SEPTIN11: variants seen among roughly 807,000 people sequenced by gnomAD.
SEPTIN11 encodes the protein septin-11.
Under a neutral mutation model 51.4 loss-of-function variants are expected in SEPTIN11, and 25 were observed. The observed-to-expected ratio is 0.49, with a 90% CI of 0.35 to 0.68. The LOEUF is 0.68. SEPTIN11 is among the 30% of genes least tolerant of loss of function. The probability of loss-of-function intolerance (pLI) is 0.00; values close to 1 mark genes in which losing one functional copy is unlikely to be tolerated. For missense variants in SEPTIN11, 381 were observed against 520.8 expected (o/e 0.73, Z 2.61); for synonymous variants, 174 against 184.1 (o/e 0.95, Z 0.44).
intron 7 of SEPTIN11, 111 bp from the exon 8 acceptor site, chr4:77,028,518 A>G: frequency 2.5e-6 from 3 of 1,214,942 alleles, no homozygotes; most frequent in Non-Finnish European, 3.5e-6. Flanking sequence ...TTGATCTGGC[A>G]AGCAGCAGCT....
chr4:77,035,711 C>T lies in SEPTIN11; in HGVS notation c.*1199C>T. 1 of 985,904 alleles carries T rather than the reference C, an allele frequency of 1.0e-6. No individual in the cohort carries two copies. The highest frequency in any genetic ancestry group is 1.2e-6 in the Non-Finnish European group (1 of 829,956). 61.1% of individuals were successfully genotyped at this position (985,904 alleles called of 1,614,324 possible). On this transcript the variant is annotated 3_prime_UTR_variant, in exon 10 of 10. Coordinates refer to ENST00000264893, the MANE Select transcript of SEPTIN11 (RefSeq NM_018243.4). ...GAATTTTCCTCACCTTGGCTAGCTCCACCTGCTCTTTGTCTAAGGCCCTTG... is the reference window on the plus strand; with the variant it reads ...GAATTTTCCTCACCTTGGCTAGCTCTACCTGCTCTTTGTCTAAGGCCCTTG...
intron 1 of SEPTIN11, chr4:76,987,845 A>G: frequency 1.0e-6 from 1 of 981,110 alleles, no homozygotes. Flanking sequence ...AGGACCTCAG[A>G]AAAAGACATG....
chr4:77,005,819 G>T (rs779209245), intron 3 of SEPTIN11, 23 bp downstream of exon 3: 2 of 1,601,904 alleles, frequency 1.2e-6, no homozygotes, highest in South Asian at 2.2e-5. Flanking sequence ...ATTTTGGGGG[G>T]ACATGAATGG....
At chr4:77,027,609 T>G (rs1003138635) in intron 7 of SEPTIN11, among the ~76,000 whole-genome samples, 1 of 152,222 alleles carries the variant, frequency 6.6e-6, no homozygotes, top group African/African-American at 2.4e-5. Flanking sequence ...CTATCCAGTT[T>G]GTAGTCTACA....
chr4:76,970,692 A>T (rs1412083567), intron 1 of SEPTIN11, among the ~76,000 whole-genome samples: 1 of 152,212 alleles, frequency 6.6e-6, no homozygotes, highest in African/African-American at 2.4e-5. Context: ...TACTAGTTGG[A>T]TTGGACAGAG....
At chr4:76,996,573 G>C in intron 2 of SEPTIN11, 34 bp downstream of exon 2, 1 of 1,414,166 alleles carries the variant, frequency 7.1e-7, no homozygotes, top group Non-Finnish European at 1.0e-6. Flanking sequence ...CAAGAAATTT[G>C]ATCCTTAGAT....
chr4:77,020,493 C>T lies in SEPTIN11; in HGVS notation c.785-9C>T. 3 of 1,613,290 alleles carry T rather than the reference C, an allele frequency of 1.9e-6. No individual in the cohort carries two copies. The highest frequency in any genetic ancestry group is 1.3e-5 in the African/African-American group (1 of 74,994). On this transcript the variant is annotated splice_polypyrimidine_tract_variant and intron_variant, in intron 6 of 9. Coordinates refer to ENST00000264893, the MANE Select transcript of SEPTIN11 (RefSeq NM_018243.4). ...ATCCCACTTCCGCCATTTCCCCCCT[C>T]TCTTGTAGTTGAGAATGAAAATCAT... is the stretch of plus-strand genomic sequence containing the variant.
rs1166351580 is a variant in SEPTIN11 at position 76,949,766 on chromosome 4, G to A, written c.-138G>A. The A allele has an allele frequency of 6.8e-6, 6 of 886,336 alleles. No individual in the cohort carries two copies. In the East Asian group the frequency reaches 9.6e-5, roughly 14 times the overall value. 54.9% of individuals were successfully genotyped at this position (886,336 alleles called of 1,614,324 possible). ...CGGCGTGGGGGGAGCAGATGCCGCT[G>A]GCTGCCAGCGGGACGCCGGCGAGCA... On this transcript the variant is annotated 5_prime_UTR_variant, in exon 1 of 10. Transcript: ENST00000264893.
At chr4:76,983,307 A>T (rs1560708409) in intron 1 of SEPTIN11, among the ~76,000 whole-genome samples, 1 of 152,176 alleles carries the variant, frequency 6.6e-6, no homozygotes, top group Non-Finnish European at 1.5e-5. Flanking sequence ...GACAGAGGTG[A>T]CCTCGTGGCT....
At chr4:77,016,436 A>G (rs1725231259) in intron 5 of SEPTIN11, among the ~76,000 whole-genome samples, 2 of 148,878 alleles carry the variant, frequency 1.3e-5, no homozygotes, top group Admixed American at 1.4e-4. Flanking sequence ...GACCAAAGAT[A>G]TTTGGAAAAA....
Position 77,024,153 on chromosome 4 carries a change from AGCGC to A in SEPTIN11, c.953+3488_953+3491del. Reference sequence around the variant, plus strand: ...CACAGTGTGAGGCAAAAGGAGGAGTAGCGCGCGCACAGAAACGCCGTATTCAAGC... The same window carrying A: ...CACAGTGTGAGGCAAAAGGAGGAGTAGCGCACAGAAACGCCGTATTCAAGC... On this transcript the variant is annotated intron_variant, in intron 7 of 9. Coordinates refer to ENST00000264893, the MANE Select transcript of SEPTIN11 (RefSeq NM_018243.4). This position sits in a 1 kb window ranked among gnomAD's most constrained non-coding sequence, Gnocchi z 4.2. 6.6e-6 allele frequency among the ~76,000 whole-genome samples: 1 copy of A among 152,130 alleles called. No homozygotes were observed. The highest frequency in any genetic ancestry group is 1.5e-5 in the Non-Finnish European group (1 of 68,012).
At chr4:76,953,531 C>T (rs1369391449) in intron 1 of SEPTIN11, among the ~76,000 whole-genome samples, 2 of 152,108 alleles carry the variant, frequency 1.3e-5, no homozygotes, top group East Asian at 1.9e-4. Flanking sequence ...ATTTTTGTGA[C>T]TTGAAAATGT....
At chr4:77,039,673 G>T (rs1329014744), downstream of SEPTIN11, 1 of 984,528 alleles carries the variant, frequency 1.0e-6, no homozygotes, top group Non-Finnish European at 1.2e-6. Flanking sequence ...ATTTGATATT[G>T]CATGAACAGA....
chr4:77,036,688 T>C lies in SEPTIN11; in HGVS notation c.*2176T>C, dbSNP rs1553981648. ...AAAATGTATTGCTTCTGAACTTTTT[T>C]CTGCCACTGCTCCCTAGCCCTGTTT... On this transcript the variant is annotated 3_prime_UTR_variant, in exon 10 of 10. Transcript: ENST00000264893. 1 of 1,522,962 alleles carries C rather than the reference T, an allele frequency of 6.6e-7. No homozygotes were observed. The highest frequency in any genetic ancestry group is 8.7e-7 in the Non-Finnish European group (1 of 1,143,706). The allele number at this position is 1,522,962 out of a possible 1,614,324, so 94.3% of individuals were successfully genotyped here.
intron 1 of SEPTIN11, among the ~76,000 whole-genome samples, chr4:76,966,341 G>T (rs1435213124): frequency 6.6e-6 from 1 of 152,160 alleles, no homozygotes; most frequent in East Asian, 1.9e-4. Flanking sequence ...GGTCAAATTA[G>T]TTATCCTGTG....
chr4:77,038,667 T>C, downstream of SEPTIN11: 1 of 1,008,756 alleles, frequency 9.9e-7, no homozygotes, highest in South Asian at 4.1e-5. Flanking sequence ...GGTTTGCATA[T>C]GTACACGTGC....
chr4:77,024,169 C>T lies in SEPTIN11; in HGVS notation c.953+3499C>T, dbSNP rs571332762. On this transcript the variant is annotated intron_variant, in intron 7 of 9. Coordinates refer to ENST00000264893, the MANE Select transcript of SEPTIN11 (RefSeq NM_018243.4). The surrounding 1 kb of genome is among the most constrained non-coding windows in gnomAD (Gnocchi z 4.2). ...AGGAGGAGTAGCGCGCGCACAGAAA[C>T]GCCGTATTCAAGCCTTGGCAGCACA... Among the ~76,000 whole-genome samples the T allele has an allele frequency of 1.3e-5, 2 of 152,152 alleles. No individual in the cohort carries two copies. The highest frequency in any genetic ancestry group is 6.5e-5 in the Admixed American group (1 of 15,278).
At chr4:77,019,860 T>G (rs1426827629) in intron 6 of SEPTIN11, among the ~76,000 whole-genome samples, 1 of 152,226 alleles carries the variant, frequency 6.6e-6, no homozygotes, top group Admixed American at 6.5e-5. Context: ...AGTTCTTCGC[T>G]GGTTTAAGAT....
intron 1 of SEPTIN11, among the ~76,000 whole-genome samples, chr4:76,972,166 CT>C (rs1305871008): frequency 6.6e-6 from 1 of 152,200 alleles, no homozygotes; most frequent in Non-Finnish European, 1.5e-5. Context: ...GGCTATTTAT[CT>C]TGTTGAGGTT....
Sources: gnomAD v4.1 joint callset for allele counts (sites outside exome capture counted in the v4.1 genomes callset) on GRCh38, gnomAD v4.1.1 for gene constraint, Gnocchi (gnomAD v3.1) non-coding constraint, MANE v1.5 for transcripts, NCBI Gene and HGNC (gene_info 2026-07-23, HGNC 2026-07-21) for gene names.